Variants in UHRF2 observed in about 807,000 individuals in gnomAD.
The protein encoded by UHRF2 is ubiquitin like with PHD and ring finger domains 2.
A neutral mutation model predicts 96.8 loss-of-function variants in UHRF2; 23 were observed. That is an observed-to-expected ratio of 0.24 (90% CI 0.17 to 0.34). The LOEUF (loss-of-function observed/expected upper bound fraction) is 0.34, where lower values mean the gene tolerates loss of function less well. Ranked by LOEUF, UHRF2 falls within the 10% of genes least tolerant of loss-of-function variation. UHRF2 has a pLI of 1.00. For missense variants in UHRF2, 685 were observed against 981.5 expected (o/e 0.70, Z 4.04); for synonymous variants, 385 against 332.6 (o/e 1.16, Z -1.72).
chr9:6,482,197 A>G lies in UHRF2; in HGVS notation c.1392+98A>G, dbSNP rs1268971537. On this transcript the variant is annotated intron_variant, in intron 8 of 15. Transcript: ENST00000276893. Reference sequence around the variant, plus strand: ...ATTGTAAGTGAACCTAACACATGACATTCACTTGTTAGAATGAAATATATT... The same window carrying G: ...ATTGTAAGTGAACCTAACACATGACGTTCACTTGTTAGAATGAAATATATT... The G allele has an allele frequency of 1.5e-5, 14 of 960,726 alleles. No homozygotes were observed. In the East Asian group the frequency reaches 3.1e-4, roughly 21 times the overall value. 59.5% of individuals were successfully genotyped at this position (960,726 alleles called of 1,614,324 possible). A position where few individuals can be genotyped will look rare whatever the true frequency, so the allele number is the denominator to read the frequency against.
chr9:6,469,462 G>A (rs1328865591), intron 4 of UHRF2, among the ~76,000 whole-genome samples: 1 of 151,922 alleles, frequency 6.6e-6, no homozygotes, highest in Non-Finnish European at 1.5e-5. Flanking sequence ...AGGTTGCAGT[G>A]AGCCAAGATT....
At chr9:6,467,927 CTG>C (rs1822979154) in intron 4 of UHRF2, among the ~76,000 whole-genome samples, 1 of 152,082 alleles carries the variant, frequency 6.6e-6, no homozygotes, top group Admixed American at 6.5e-5. Flanking sequence ...CTCATTTTAA[CTG>C]TGAGAATGGG....
At position 6,434,052 on chromosome 9, in the gene UHRF2, A is replaced by G. The variant is rs199556193; in HGVS notation, c.523A>G (p.Asn175Asp). The change falls in exon 3 of 16, where the codon AAT (asparagine) becomes GAT (aspartate). Residue 175 changes from asparagine (N) to aspartate (D), a missense_variant. Physicochemically the swap from Asn to Asp is conservative, Grantham distance 23 (BLOSUM62 1). This residue lies in a region of UHRF2 where 391 missense variants were observed against 437.0 expected (regional missense o/e 0.89). Transcript: ENST00000276893. ...GAATGGCAGTTCTTGTAAAAGGACT[A>G]ATGGAAATATAAAGCATAAATCCAA... ...LKNGSSCKRT[N>D]GNIKHKSKEN... 6.2e-7 allele frequency: 1 copy of G among 1,614,172 alleles called. No homozygotes were observed. Among genetic ancestry groups the G allele is most frequent in the East Asian group, 2.2e-5 (1 of 44,870 alleles).
chr9:6,421,058 G>C lies in UHRF2; in HGVS notation c.300G>C (p.Lys100Asn). 4 of 1,614,132 alleles carry C rather than the reference G, an allele frequency of 2.5e-6. No individual in the cohort carries two copies. The highest frequency in any genetic ancestry group is 1.1e-5 in the South Asian group (1 of 91,076). The change falls in exon 2 of 16, where the codon AAG (lysine) becomes AAC (asparagine). Residue 100 changes from lysine (K) to asparagine (N), a missense_variant. Lys to Asn is a moderately conservative substitution (Grantham distance 94). Transcript: ENST00000276893. ...GTTCTAATAGTCCACCTAAAGTAAA[G>C]AAAGCTCCGAGGGTAGGACCTTCCA... ...KPCSNSPPKV[K>N]KAPRVGPSNQ...
At chr9:6,430,440 TG>T (rs1216518245) in intron 2 of UHRF2, among the ~76,000 whole-genome samples, 1 of 152,210 alleles carries the variant, frequency 6.6e-6, no homozygotes, top group East Asian at 1.9e-4. Context: ...TAAAAATAAT[TG>T]TATATTTTAT....
intron 1 of UHRF2, 59 bp from the exon 2 acceptor site, chr9:6,420,852 TA>T: frequency 1.4e-6 from 2 of 1,400,698 alleles, no homozygotes; most frequent in Non-Finnish European, 2.0e-6. Flanking sequence ...TTTGAGCAAC[TA>T]AAAATGTAGT....
chr9:6,419,412 C>T (rs983432270), intron 1 of UHRF2, among the ~76,000 whole-genome samples: 5 of 152,174 alleles, frequency 3.3e-5, no homozygotes, highest in Admixed American at 2.0e-4. Context: ...AATTAGAGAA[C>T]TTCAGGCAAG....
rs946714496 is a variant in UHRF2, at chr9:6,503,730, T to C, written c.2164-863T>C. ...GAATAGATAATACATGTTCATACTT[T>C]GGAATACTGTGCAAAACAGCTTTTT... On this transcript the variant is annotated intron_variant, in intron 14 of 15. Coordinates refer to ENST00000276893, the MANE Select transcript of UHRF2 (RefSeq NM_152896.3). 9.2e-5 allele frequency among the ~76,000 whole-genome samples: 14 copies of C among 152,318 alleles called. No individual in the cohort carries two copies. In the East Asian group the frequency reaches 1.3e-3, roughly 15 times the overall value.
intron 3 of UHRF2, among the ~76,000 whole-genome samples, chr9:6,436,677 T>C (rs73401679): frequency 0.21 from 32,213 of 152,076 alleles, 4,445 homozygotes; most frequent in African/African-American, 0.38. Context: ...AAAGTTGCTT[T>C]TGAAGTAAGA....
intron 12 of UHRF2, 64 bp downstream of exon 12, chr9:6,498,222 T>G: frequency 6.5e-7 from 1 of 1,542,374 alleles, no homozygotes; most frequent in Non-Finnish European, 8.8e-7. Context: ...TCTATCTACA[T>G]GCCTTAACAC....
rs540258689 is a variant in UHRF2 at position 6,500,489 on chromosome 9, T to G, written c.2006-63T>G. On this transcript the variant is annotated intron_variant, in intron 13 of 15. Coordinates refer to ENST00000276893, the MANE Select transcript of UHRF2 (RefSeq NM_152896.3). ...CATTACTTGTGCCAGTTAACTCTTT[T>G]GTTTCATAGTTCTGCTTAGAACCAC... 10 of 1,412,874 alleles carry G rather than the reference T, an allele frequency of 7.1e-6. No homozygotes were observed. In the South Asian group the frequency reaches 1.3e-4, roughly 19 times the overall value. The allele number at this position is 1,412,874 out of a possible 1,614,324, so 87.5% of individuals were successfully genotyped here.
rs556583936 is a variant in UHRF2 at position 6,445,921 on chromosome 9, T to C, written c.644+11748T>C. Among the ~76,000 whole-genome samples, 5 of 151,740 alleles carry C rather than the reference T, an allele frequency of 3.3e-5. No homozygotes were observed. The South Asian group carries it at 1.0e-3, about 32-fold the overall frequency. ...GATAATGGTATAAAACTTTTTGCTT[T>C]TCATTTACTAATTAATAAAGACAGG... On this transcript the variant is annotated intron_variant, in intron 3 of 15. Transcript: ENST00000276893.
intron 4 of UHRF2, among the ~76,000 whole-genome samples, chr9:6,466,549 A>AAG (rs1822869075): frequency 1.5e-5 from 1 of 65,950 alleles, no homozygotes; most frequent in African/African-American, 6.9e-5. Flanking sequence ...CAAAAAAAAA[A>AAG]GGAAAAAAAA....
intron 1 of UHRF2, 110 bp from the exon 2 acceptor site, chr9:6,420,802 C>T: frequency 2.5e-6 from 2 of 812,372 alleles, no homozygotes; most frequent in Non-Finnish European, 4.0e-6. Context: ...TTTAAAATCT[C>T]TAAACTGTAG....
rs1442148572 is a variant in UHRF2 at position 6,433,825 on chromosome 9, G to A, written c.385-89G>A. 6 of 1,378,034 alleles carry A rather than the reference G, an allele frequency of 4.4e-6. No individual in the cohort carries two copies. The Admixed American group carries it at 6.6e-5, about 15-fold the overall frequency. 85.4% of individuals were successfully genotyped at this position (1,378,034 alleles called of 1,614,324 possible). On this transcript the variant is annotated intron_variant, in intron 2 of 15. Transcript: ENST00000276893. ...AGTAGCTGCAAATATTGTTTACCAT[G>A]ATAACCCACAAATAACTTGAGTTAC...
At chr9:6,485,548 T>C (rs1233827898) in intron 8 of UHRF2, among the ~76,000 whole-genome samples, 5 of 151,852 alleles carry the variant, frequency 3.3e-5, no homozygotes, top group Non-Finnish European at 7.4e-5. Context: ...CCAAAACCTT[T>C]CCAGGTTCTG....
chr9:6,422,963 A>G (rs1187872918), intron 2 of UHRF2: 2 of 290,936 alleles, frequency 6.9e-6, no homozygotes, highest in African/African-American at 4.3e-5. Flanking sequence ...CAAATCTAAT[A>G]AATTGTGTAG....
intron 6 of UHRF2, among the ~76,000 whole-genome samples, chr9:6,480,492 C>G (rs1823859118): frequency 6.6e-6 from 1 of 152,184 alleles, no homozygotes. Flanking sequence ...TTGTATTACT[C>G]TGGAATATAT....
At chr9:6,428,507 A>C (rs886842435) in intron 2 of UHRF2, among the ~76,000 whole-genome samples, 1 of 115,564 alleles carries the variant, frequency 8.7e-6, no homozygotes, top group Non-Finnish European at 1.8e-5. Flanking sequence ...TCTGAACTTT[A>C]TGTAAATGGA....
Sources: gnomAD v4.1 joint callset for allele counts (sites outside exome capture counted in the v4.1 genomes callset) on GRCh38, gnomAD v4.1.1 for gene constraint, gnomAD v4.1.1 regional missense constraint, MANE v1.5 for transcripts, NCBI Gene and HGNC (gene_info 2026-07-23, HGNC 2026-07-21) for gene names.